MEGF11: variants seen among roughly 807,000 people sequenced by gnomAD.
MEGF11 encodes multiple epidermal growth factor-like domains protein 11.
In MEGF11, 126 loss-of-function variants were observed where a neutral mutation model predicts 146.6. The observed-to-expected ratio is 0.86, with a 90% CI of 0.74 to 1.00. MEGF11 has a LOEUF of 1.00. MEGF11 is among the 50% of genes least tolerant of loss of function. The pLI is 0.00. For synonymous variants in MEGF11, 532 were observed against 583.4 expected, an observed-to-expected ratio of 0.91 and a Z score of 1.27; for missense variants, 1,509 against 1,521.2, an observed-to-expected ratio of 0.99 and a Z score of 0.13.
chr15:66,196,594 C>G (rs1215368721), intron 1 of MEGF11, among the ~76,000 whole-genome samples: 1 of 152,194 alleles, frequency 6.6e-6, no homozygotes, highest in Non-Finnish European at 1.5e-5. Context: ...TTAGAAAGGT[C>G]ACTCTACCTA....
intron 9 of MEGF11, among the ~76,000 whole-genome samples, chr15:65,962,345 C>A (rs947587370): frequency 6.6e-6 from 1 of 152,162 alleles, no homozygotes; most frequent in African/African-American, 2.4e-5. Flanking sequence ...CCCACCCCAC[C>A]CTGGGACATC....
At chr15:65,945,741 T>A (rs987878643) in intron 10 of MEGF11, among the ~76,000 whole-genome samples, 1 of 152,080 alleles carries the variant, frequency 6.6e-6, no homozygotes, top group South Asian at 2.1e-4. Flanking sequence ...GGTGCCTGAT[T>A]CCCCCATCAT....
intron 5 of MEGF11, among the ~76,000 whole-genome samples, chr15:65,991,764 A>G (rs2082050403): frequency 6.6e-6 from 1 of 152,228 alleles, no homozygotes; most frequent in African/African-American, 2.4e-5. Context: ...GAGAAGCTGA[A>G]TGACTTGCCC....
At chr15:66,172,413 CG>C (rs1263019193) in intron 1 of MEGF11, among the ~76,000 whole-genome samples, 3 of 70,710 alleles carry the variant, frequency 4.2e-5, no homozygotes, top group African/African-American at 6.9e-5. Flanking sequence ...CAGCATCAAC[CG>C]GCAGCCTTGC....
Position 65,898,136 on chromosome 15 carries a change from C to T in MEGF11, c.3263-42G>A, listed in dbSNP as rs921173016. On this transcript the variant is annotated intron_variant, in intron 25 of 25. Transcript: ENST00000395614. ...AAAATGAGTTCAGAGAACAGATTAG[C>T]TTTGGTTGCCTTGTTGGAGAGGAAG... The T allele has an allele frequency of 3.2e-6, 5 of 1,568,158 alleles. No individual in the cohort carries two copies. The African/African-American group carries it at 5.4e-5, about 17-fold the overall frequency.
chr15:66,106,792 G>A (rs1202762275), intron 4 of MEGF11, among the ~76,000 whole-genome samples: 3 of 152,208 alleles, frequency 2.0e-5, no homozygotes, highest in African/African-American at 7.2e-5. Context: ...CCCTTCCTCA[G>A]AGGTCCAGAC....
intron 1 of MEGF11, among the ~76,000 whole-genome samples, chr15:66,236,429 G>A (rs2092093037): frequency 6.6e-6 from 1 of 152,192 alleles, no homozygotes. Flanking sequence ...GGACTGGGGA[G>A]GGAAAAGACA....
At chr15:65,972,908 T>C (rs927636613) in intron 7 of MEGF11, among the ~76,000 whole-genome samples, 8 of 152,154 alleles carry the variant, frequency 5.3e-5, no homozygotes, top group African/African-American at 1.9e-4. Flanking sequence ...GTGGATCACC[T>C]GAGGTTCCAG....
At chr15:65,919,467 G>C (rs899917339) in intron 15 of MEGF11, among the ~76,000 whole-genome samples, 2 of 152,144 alleles carry the variant, frequency 1.3e-5, no homozygotes, top group Non-Finnish European at 2.9e-5. Flanking sequence ...TTATACTGTA[G>C]TCTATTAAGT....
chr15:66,036,754 G>A (rs969066836), intron 5 of MEGF11, among the ~76,000 whole-genome samples: 2 of 152,206 alleles, frequency 1.3e-5, no homozygotes, highest in African/African-American at 4.8e-5. Flanking sequence ...TTAAACATAA[G>A]CTGAATTCAG....
intron 10 of MEGF11, among the ~76,000 whole-genome samples, chr15:65,952,955 T>C (rs1010770025): frequency 6.6e-6 from 1 of 152,200 alleles, no homozygotes; most frequent in East Asian, 1.9e-4. Flanking sequence ...TCCCCAAATG[T>C]TGAGAGGCTT....
intron 5 of MEGF11, among the ~76,000 whole-genome samples, chr15:66,033,692 G>A (rs1430256960): frequency 2.0e-5 from 3 of 152,268 alleles, no homozygotes; most frequent in Non-Finnish European, 4.4e-5. Flanking sequence ...CCACACCAGT[G>A]TGTCCAGACT....
chr15:66,059,726 G>A (rs1023831475), intron 5 of MEGF11, among the ~76,000 whole-genome samples: 7 of 152,112 alleles, frequency 4.6e-5, no homozygotes, highest in African/African-American at 1.7e-4. Context: ...AGGGCCAGAA[G>A]AGGACCAGAA....
chr15:65,916,100 G>A (rs746447677), intron 18 of MEGF11, 48 bp downstream of exon 18: 4 of 1,535,792 alleles, frequency 2.6e-6, no homozygotes, highest in East Asian at 4.8e-5. Flanking sequence ...TCTGCAGGAG[G>A]GTAGGGCCCA....
rs182558550 is a variant in MEGF11 at position 66,226,721 on chromosome 15, G to A, written c.-9+26884C>T. 3.9e-5 allele frequency among the ~76,000 whole-genome samples: 6 copies of A among 152,064 alleles called. No homozygotes were observed. In the East Asian group the frequency reaches 5.8e-4, roughly 15 times the overall value. ...AAAAAACATAGTCTATATAGGGGTC[G>A]GTACTGTCCACAGCATCCACTGGGG... On this transcript the variant is annotated intron_variant, in intron 1 of 25. Transcript: ENST00000395614.
intron 5 of MEGF11, among the ~76,000 whole-genome samples, chr15:66,011,142 G>A (rs957293173): frequency 6.6e-6 from 1 of 152,224 alleles, no homozygotes; most frequent in South Asian, 2.1e-4. Context: ...AAGGGCTTTA[G>A]TCTCGGCACT....
chr15:65,954,158 A>C (rs1374283755), intron 10 of MEGF11, among the ~76,000 whole-genome samples: 1 of 152,222 alleles, frequency 6.6e-6, no homozygotes, highest in East Asian at 1.9e-4. Context: ...AAGGTCTCCA[A>C]ACACTCAGAA....
intron 4 of MEGF11, among the ~76,000 whole-genome samples, chr15:66,095,859 C>T (rs557319172): frequency 6.6e-5 from 10 of 152,312 alleles, no homozygotes; most frequent in South Asian, 2.1e-4. Flanking sequence ...GCTGGAGCCC[C>T]GCTCGCTTGC....
At chr15:66,127,015 C>T (rs1207475858) in intron 2 of MEGF11, among the ~76,000 whole-genome samples, 1 of 152,186 alleles carries the variant, frequency 6.6e-6, no homozygotes, top group Non-Finnish European at 1.5e-5. Flanking sequence ...CAAGAAAAGA[C>T]AGTAACTGAC....
Sources: gnomAD v4.1 joint callset for allele counts (sites outside exome capture counted in the v4.1 genomes callset) on GRCh38, gnomAD v4.1.1 for gene constraint, MANE v1.5 for transcripts, NCBI Gene and HGNC (gene_info 2026-07-23, HGNC 2026-07-21) for gene names.